TAF4: variants seen among roughly 807,000 people sequenced by gnomAD.
The protein encoded by TAF4 is TATA-box binding protein associated factor 4, also known as transcription initiation factor TFIID subunit 4.
TAF4 carries 9 observed loss-of-function variants against 90.3 expected under a neutral mutation model. That is an observed-to-expected ratio of 0.10 (90% confidence interval 0.06 to 0.17). The LOEUF (loss-of-function observed/expected upper bound fraction) is 0.17, where lower values mean the gene tolerates loss of function less well. TAF4 is among the 10% of genes least tolerant of loss of function. TAF4 has a pLI of 1.00. For missense variants in TAF4, 1,351 were observed against 1,370.7 expected (o/e 0.99, Z 0.23); for synonymous variants, 818 against 638.9 (o/e 1.28, Z -4.23).
intron 14 of TAF4, among the ~76,000 whole-genome samples, chr20:61,985,508 G>A (rs1263947477): frequency 1.3e-5 from 2 of 152,020 alleles, no homozygotes; most frequent in African/African-American, 4.8e-5. Context: ...GTACTATTTT[G>A]ACCTGTGAGG....
chr20:62,025,132 TA>T (rs1170919092), intron 1 of TAF4, among the ~76,000 whole-genome samples: 3 of 152,158 alleles, frequency 2.0e-5, no homozygotes, highest in Admixed American at 6.5e-5. Context: ...TGTAGAAAGT[TA>T]AACATACTCC....
chr20:61,978,523 GACCA>G (rs1183607652), intron 14 of TAF4, among the ~76,000 whole-genome samples: 3 of 144,284 alleles, frequency 2.1e-5, no homozygotes, highest in African/African-American at 8.0e-5. Flanking sequence ...GAGGGCGCGA[GACCA>G]ACCAAGGCCG....
At position 61,995,620 on chromosome 20, in the gene TAF4, T is replaced by C. The variant is rs1473918913; in HGVS notation, c.3090+1930A>G. Among the ~76,000 whole-genome samples the C allele has an allele frequency of 2.7e-4, 4 of 14,828 alleles. 2 individuals are homozygous for C. The highest frequency in any genetic ancestry group is 3.7e-3 in the East Asian group (2 of 546). 9.7% of individuals were successfully genotyped at this position (14,828 alleles called of 152,430 possible). On this transcript the variant is annotated intron_variant, in intron 14 of 14. Coordinates refer to ENST00000252996, the MANE Select transcript of TAF4 (RefSeq NM_003185.4). The stretch of plus-strand genomic sequence containing the variant: ...GGCTCACGCCTGTAATCCCAGCACT[T>C]TGGGAGGCCGAGGCGGGTGGATCAT...
At chr20:62,009,917 T>C in intron 4 of TAF4, 129 bp downstream of exon 4, 2 of 1,452,934 alleles carry the variant, frequency 1.4e-6, no homozygotes, top group Non-Finnish European at 1.9e-6. Context: ...CCCCAGACTG[T>C]TCACTGCTTT....
At chr20:62,021,628 C>T (rs1162719467) in intron 1 of TAF4, among the ~76,000 whole-genome samples, 2 of 152,238 alleles carry the variant, frequency 1.3e-5, no homozygotes, top group East Asian at 3.8e-4. Flanking sequence ...GACACTCACT[C>T]GGCAACCTCA....
intron 7 of TAF4, among the ~76,000 whole-genome samples, chr20:62,004,328 C>CTTTTTTT (rs60437230): frequency 0.021 from 2,487 of 117,048 alleles, 120 homozygotes; most frequent in Middle Eastern, 0.051. Flanking sequence ...CTTTTCTTTT[C>CTTTTTTT]TTTTTTTTTT....
intron 1 of TAF4, among the ~76,000 whole-genome samples, chr20:62,040,533 G>A (rs2055957777): frequency 6.6e-6 from 1 of 152,240 alleles, no homozygotes; most frequent in Admixed American, 6.5e-5. Context: ...CGACGGTGGT[G>A]GTGACGTGAC....
intron 14 of TAF4, among the ~76,000 whole-genome samples, chr20:61,988,257 C>A (rs1024104055): frequency 2.3e-4 from 22 of 95,474 alleles, no homozygotes; most frequent in Admixed American, 5.1e-4. Context: ...CTAACAAACG[C>A]ACCACCCGGC....
At chr20:61,996,244 T>C (rs1324541391) in intron 14 of TAF4, among the ~76,000 whole-genome samples, 2 of 151,936 alleles carry the variant, frequency 1.3e-5, no homozygotes, top group South Asian at 4.2e-4. Flanking sequence ...TAGCCAGGCA[T>C]GGTGGCACGC....
intron 14 of TAF4, among the ~76,000 whole-genome samples, chr20:61,991,517 T>C (rs910186395): frequency 2.0e-5 from 3 of 151,596 alleles, no homozygotes; most frequent in African/African-American, 7.3e-5. Flanking sequence ...GAGGACTGCT[T>C]GAACCCTGGA....
intron 2 of TAF4, 90 bp from the exon 3 acceptor site, chr20:62,013,024 C>G: frequency 6.5e-7 from 1 of 1,540,784 alleles, no homozygotes; most frequent in South Asian, 1.2e-5. Context: ...CCATATGTAA[C>G]TAGTATATCC....
At chr20:61,996,814 G>A (rs77318431) in intron 14 of TAF4, among the ~76,000 whole-genome samples, 4,170 of 139,270 alleles carry the variant, frequency 0.03, 157 homozygotes, top group African/African-American at 0.096. Flanking sequence ...AAAAAAAAAA[G>A]AGAATGAGGG....
chr20:62,036,844 T>C (rs972520836), intron 1 of TAF4, among the ~76,000 whole-genome samples: 2 of 152,212 alleles, frequency 1.3e-5, no homozygotes, highest in African/African-American at 4.8e-5. Context: ...AAGGTGATGG[T>C]AGCAGAAGCG....
rs1198561563 is a variant in TAF4, at chr20:62,064,613, G to C, written c.1198C>G (p.Leu400Val). Reference sequence around the variant, plus strand: ...ACTGCGCCGGCCGCGCCTTTGGGCAGCCCGGTGGGGGTCCCGGGGGCGGGC... The same window carrying C: ...ACTGCGCCGGCCGCGCCTTTGGGCACCCCGGTGGGGGTCCCGGGGGCGGGC... ...PPPAPGTPTG[L>V]PKGAAGAVTQ... The change falls in exon 1 of 15, where the codon CTG becomes GTG. Residue 400 changes from leucine (L) to valine (V), a missense_variant. By Grantham distance (32) the Leu-to-Val change is conservative (BLOSUM62 1). Around this residue, in one of 9 missense-constraint regions of TAF4, gnomAD observed 782 missense variants for 536.6 expected, o/e 1.46. Transcript: ENST00000252996. 3.6e-6 allele frequency: 5 copies of C among 1,397,182 alleles called. No homozygotes were observed. The highest frequency in any genetic ancestry group is 4.6e-6 in the Non-Finnish European group (5 of 1,080,974). 86.5% of individuals were successfully genotyped at this position (1,397,182 alleles called of 1,614,324 possible).
At position 62,042,782 on chromosome 20, in the gene TAF4, T is replaced by C. The variant is rs2055971424; in HGVS notation, c.1360+21669A>G. On this transcript the variant is annotated intron_variant, in intron 1 of 14. Transcript: ENST00000252996. Reference sequence around the variant, plus strand: ...TTCAGAAATATACTGCATCTACTTATTAAAACTTACAGTTAACTGTAAAGC... The same window carrying C: ...TTCAGAAATATACTGCATCTACTTACTAAAACTTACAGTTAACTGTAAAGC... Among the ~76,000 whole-genome samples, 10 of 152,338 alleles carry C rather than the reference T, an allele frequency of 6.6e-5. No homozygotes were observed. In the South Asian group the frequency reaches 2.1e-3, roughly 32 times the overall value.
intron 4 of TAF4, among the ~76,000 whole-genome samples, chr20:62,009,812 G>A (rs2055767894): frequency 6.6e-6 from 1 of 152,226 alleles, no homozygotes; most frequent in South Asian, 2.1e-4. Context: ...AAAGGCAGGT[G>A]TTTGGGCTTT....
chr20:62,015,983 C>A (rs1006151007), intron 1 of TAF4, among the ~76,000 whole-genome samples: 1 of 152,154 alleles, frequency 6.6e-6, no homozygotes, highest in African/African-American at 2.4e-5. Flanking sequence ...CAAACAAAAA[C>A]CAAACACCCA....
At chr20:62,021,218 A>C (rs1156266513) in intron 1 of TAF4, among the ~76,000 whole-genome samples, 1 of 152,234 alleles carries the variant, frequency 6.6e-6, no homozygotes, top group Non-Finnish European at 1.5e-5. Context: ...GGTCTCAAAA[A>C]AGGTATATTC....
rs1302982890 is a variant in TAF4, at chr20:62,010,481, G to A, written c.1642-316C>T. Among the ~76,000 whole-genome samples, 1 of 152,100 alleles carries A rather than the reference G, an allele frequency of 6.6e-6. No homozygotes were observed. Among genetic ancestry groups the A allele is most frequent in the African/African-American group, 2.4e-5 (1 of 41,408 alleles). Reference sequence around the variant, plus strand: ...AAGTCCATGGAAAAAGTCACATAGAGACCAGAGTAAATAATCCTAACAGGC... The same window carrying A: ...AAGTCCATGGAAAAAGTCACATAGAAACCAGAGTAAATAATCCTAACAGGC... On this transcript the variant is annotated intron_variant, in intron 3 of 14. Transcript: ENST00000252996. This position sits in a 1 kb window ranked among gnomAD's most constrained non-coding sequence, Gnocchi z 4.5.
Sources: gnomAD v4.1 joint callset for allele counts (sites outside exome capture counted in the v4.1 genomes callset) on GRCh38, gnomAD v4.1.1 for gene constraint, gnomAD v4.1.1 regional missense constraint, Gnocchi (gnomAD v3.1) non-coding constraint, MANE v1.5 for transcripts, NCBI Gene and HGNC (gene_info 2026-07-23, HGNC 2026-07-21) for gene names.